Variants in SEC24C observed in about 807,000 individuals in gnomAD.
The protein encoded by SEC24C is SEC24 homolog C, COPII component.
In SEC24C, 22 loss-of-function variants were observed where a neutral mutation model predicts 117.0. That is an observed-to-expected ratio of 0.19 (90% CI 0.13 to 0.27). The LOEUF (loss-of-function observed/expected upper bound fraction) is 0.27. Ranked by LOEUF, SEC24C falls within the 10% of genes least tolerant of loss-of-function variation. SEC24C has a pLI of 1.00. For missense variants in SEC24C, 1,155 were observed against 1,375.1 expected, an observed-to-expected ratio of 0.84 and a Z score of 2.53; for synonymous variants, 506 against 529.4, an observed-to-expected ratio of 0.96 and a Z score of 0.61.
intron 15 of SEC24C, 67 bp downstream of exon 15, chr10:73,768,074 G>A: frequency 1.4e-6 from 2 of 1,445,436 alleles, no homozygotes; most frequent in South Asian, 1.3e-5. Flanking sequence ...ATATGCAGTG[G>A]CTGACTCATT....
In SEC24C at chr10:73,768,840, G is replaced by C; in HGVS notation, c.2212G>C (p.Asp738His). ...GAACGACCAGGAGCGGTTCCTGAGT[G>C]ACCTGCGTCGTGATGTCCAGAAGGT... is the stretch of plus-strand genomic sequence containing the variant. ...VENDQERFLS[D>H]LRRDVQKVVG... The change falls in exon 16 of 23, where the codon GAC becomes CAC. Residue 738 changes from aspartate to histidine, a missense_variant. Physicochemically the swap from Asp to His is moderately conservative, Grantham distance 81. Transcript: ENST00000345254. The C allele has an allele frequency of 6.2e-7, 1 of 1,613,876 alleles. No homozygotes were observed. Among genetic ancestry groups the C allele is most frequent in the East Asian group, 2.2e-5 (1 of 44,876 alleles).
intron 3 of SEC24C, among the ~76,000 whole-genome samples, chr10:73,754,304 A>G (rs1448258783): frequency 1.3e-5 from 2 of 152,152 alleles, no homozygotes; most frequent in Non-Finnish European, 2.9e-5. Context: ...AATCTCAGCT[A>G]CTTGGGAGGC....
rs2082882606 is a variant in SEC24C at position 73,766,295 on chromosome 10, AGTT to A, written c.1608-52_1608-50del. The A allele has an allele frequency of 5.1e-6, 8 of 1,580,586 alleles. No individual in the cohort carries two copies. In the South Asian group the frequency reaches 8.1e-5, roughly 16 times the overall value. ...GAAGAAATGTAGCTTGGTGTCATGA[AGTT>A]GTGGGTGGTGGAAAAGGTGGCAAGT... is the stretch of plus-strand genomic sequence containing the variant. On this transcript the variant is annotated intron_variant, in intron 11 of 22. Coordinates refer to ENST00000345254, the MANE Select transcript of SEC24C (RefSeq NM_198597.3).
At chr10:73,748,637 A>G (rs1428512304) in intron 2 of SEC24C, among the ~76,000 whole-genome samples, 2 of 151,662 alleles carry the variant, frequency 1.3e-5, no homozygotes, top group Non-Finnish European at 2.9e-5. Context: ...GGGTTTCACC[A>G]TGTTGGCCAG....
chr10:73,745,474 A>G (rs1484358686), intron 1 of SEC24C, among the ~76,000 whole-genome samples: 1 of 151,794 alleles, frequency 6.6e-6, no homozygotes, highest in Non-Finnish European at 1.5e-5. Flanking sequence ...GTTTCCTCAG[A>G]TTATGTGAAG....
rs981985318 is a variant in SEC24C at position 73,744,421 on chromosome 10, C to T, written c.-45C>T. 2.0e-5 allele frequency: 3 copies of T among 152,882 alleles called. No homozygotes were observed. The highest frequency in any genetic ancestry group is 4.4e-5 in the Non-Finnish European group (3 of 68,254). The allele number at this position is 152,882 out of a possible 1,614,324, so 9.5% of individuals were successfully genotyped here. A position where few individuals can be genotyped will look rare whatever the true frequency, so the allele number is the denominator to read the frequency against. On this transcript the variant is annotated 5_prime_UTR_variant, in exon 1 of 23. Coordinates refer to ENST00000345254, the MANE Select transcript of SEC24C (RefSeq NM_198597.3). Reference sequence around the variant, plus strand: ...CCTTGACGTTAGGAACGAAGTCTAACCTGGATCTGGAGCCGGGTGAGGAGT... The same window carrying T: ...CCTTGACGTTAGGAACGAAGTCTAATCTGGATCTGGAGCCGGGTGAGGAGT...
chr10:73,746,227 G>A lies in SEC24C; in HGVS notation c.-28-578G>A, dbSNP rs184105794. Among the ~76,000 whole-genome samples the A allele has an allele frequency of 3.3e-5, 5 of 151,952 alleles. No individual in the cohort carries two copies. In the East Asian group the frequency reaches 9.7e-4, roughly 29 times the overall value. Reference sequence around the variant, plus strand: ...TACACTCTTTTGGTGGAAAGACTTGGGTTGGAGTATCATTTGTATTATGGC... The same window carrying A: ...TACACTCTTTTGGTGGAAAGACTTGAGTTGGAGTATCATTTGTATTATGGC... On this transcript the variant is annotated intron_variant, in intron 1 of 22. Transcript: ENST00000345254.
chr10:73,769,628 C>A lies in SEC24C; in HGVS notation c.2577C>A (p.Val859=). The change falls in exon 19 of 23, where the codon GTC becomes GTA. Residue 859 remains valine, a synonymous_variant. Coordinates refer to ENST00000345254, the MANE Select transcript of SEC24C (RefSeq NM_198597.3). The surrounding 1 kb of genome is among the most constrained non-coding windows in gnomAD (Gnocchi z 4.5). ...NYMAKFAYRG[V]LNSPVKAVRD... ...TTTCCCATCCAGCATATCGGGGAGTCCTGAATAGCCCTGTGAAGGCTGTTC... is the reference window on the plus strand; with the variant it reads ...TTTCCCATCCAGCATATCGGGGAGTACTGAATAGCCCTGTGAAGGCTGTTC... The A allele has an allele frequency of 6.2e-7, 1 of 1,614,082 alleles. No individual in the cohort carries two copies. Among genetic ancestry groups the A allele is most frequent in the Non-Finnish European group, 8.5e-7 (1 of 1,180,010 alleles).
At chr10:73,762,132 G>A in intron 6 of SEC24C, 1 of 1,289,754 alleles carries the variant, frequency 7.8e-7, no homozygotes, top group Non-Finnish European at 1.0e-6. Flanking sequence ...CAGAAAACCA[G>A]GCACAGAATA....
intron 15 of SEC24C, 31 bp downstream of exon 15, chr10:73,768,038 C>T (rs2082913198): frequency 6.3e-7 from 1 of 1,597,324 alleles, no homozygotes; most frequent in Non-Finnish European, 8.5e-7. Context: ...CAGCAGGTGG[C>T]AGCAGGGCTG....
At chr10:73,766,924 A>G (rs1001155128) in intron 13 of SEC24C, 71 bp downstream of exon 13, 2 of 1,472,650 alleles carry the variant, frequency 1.4e-6, no homozygotes, top group South Asian at 1.1e-5. Flanking sequence ...CTGGGATACA[A>G]CCTCTCTTTC....
At chr10:73,754,374 C>T (rs1426037351) in intron 3 of SEC24C, among the ~76,000 whole-genome samples, 1 of 152,094 alleles carries the variant, frequency 6.6e-6, no homozygotes, top group East Asian at 1.9e-4. Context: ...AAGATTGTGC[C>T]ACTGCACTCC....
chr10:73,766,064 CCAA>C lies in SEC24C; in HGVS notation c.1483-19_1483-17del. On this transcript the variant is annotated intron_variant, in intron 10 of 22. Transcript: ENST00000345254. ...GGCCTGCTTACCATTCCCCCTCTCC[CCAA>C]CATTTTCTTCCTCTGCAGAACAATA... 1 of 1,609,440 alleles carries C rather than the reference CCAA, an allele frequency of 6.2e-7. No homozygotes were observed. Among genetic ancestry groups the C allele is most frequent in the Non-Finnish European group, 8.5e-7 (1 of 1,178,686 alleles).
chr10:73,771,241 CT>C lies in SEC24C; in HGVS notation c.*147del. 2 of 908,814 alleles carry C rather than the reference CT, an allele frequency of 2.2e-6. No individual in the cohort carries two copies. The highest frequency in any genetic ancestry group is 1.7e-5 in the South Asian group (1 of 58,342). 56.3% of individuals were successfully genotyped at this position (908,814 alleles called of 1,614,324 possible). On this transcript the variant is annotated 3_prime_UTR_variant, in exon 23 of 23. Coordinates refer to ENST00000345254, the MANE Select transcript of SEC24C (RefSeq NM_198597.3). ...GGAGATATAAGGAGACACCTTCTTTCTGGGCTCAAGTATCCTGCCACTCTGT... is the reference window on the plus strand; with the variant it reads ...GGAGATATAAGGAGACACCTTCTTTCGGGCTCAAGTATCCTGCCACTCTGT...
At chr10:73,754,461 A>G (rs995602554) in intron 3 of SEC24C, among the ~76,000 whole-genome samples, 6 of 152,172 alleles carry the variant, frequency 3.9e-5, no homozygotes, top group East Asian at 1.9e-4. Context: ...ATGATGCCGT[A>G]TAACCCACAT....
intron 3 of SEC24C, 108 bp downstream of exon 3, chr10:73,751,351 A>T (rs905061827): frequency 1.8e-6 from 2 of 1,095,590 alleles, no homozygotes; most frequent in Admixed American, 2.8e-5. Context: ...ACCTGAGGTC[A>T]GGAGTTTGAG....
intron 7 of SEC24C, 99 bp from the exon 8 acceptor site, chr10:73,763,757 C>A: frequency 3.9e-6 from 5 of 1,291,662 alleles, no homozygotes; most frequent in Non-Finnish European, 4.2e-6. Context: ...GCCACCATCA[C>A]CTCTAGCTTT....
intron 3 of SEC24C, among the ~76,000 whole-genome samples, chr10:73,753,842 T>A (rs1378919645): frequency 6.6e-6 from 1 of 152,230 alleles, no homozygotes; most frequent in East Asian, 1.9e-4. Context: ...CAGTTTGGAC[T>A]CTTTACATAA....
chr10:73,757,261 C>T (rs1204801269), intron 3 of SEC24C, among the ~76,000 whole-genome samples: 4 of 142,538 alleles, frequency 2.8e-5, no homozygotes, highest in Admixed American at 1.4e-4. Flanking sequence ...TGGCTCATGC[C>T]TGTAGTAATC....
Sources: allele counts gnomAD v4.1 joint callset (sites outside exome capture counted in the v4.1 genomes callset), GRCh38; gene constraint gnomAD v4.1.1; non-coding constraint Gnocchi (gnomAD v3.1); transcripts MANE v1.5; gene names NCBI Gene and HGNC (gene_info 2026-07-23, HGNC 2026-07-21).